Variants in NDRG1 observed in about 807,000 individuals in gnomAD.
NDRG1 encodes protein NDRG1.
NDRG1 carries 32 observed loss-of-function variants against 56.9 expected under a neutral mutation model. The ratio of observed to expected loss-of-function variants is 0.56; its 90% CI spans 0.42 to 0.76. The LOEUF (loss-of-function observed/expected upper bound fraction) is 0.76, where lower values mean the gene tolerates loss of function less well. Among genes scored for constraint, NDRG1 ranks in the 30% least tolerant of loss-of-function variants. The pLI, the probability that NDRG1 is intolerant of heterozygous loss-of-function variation, is 0.00. For missense variants in NDRG1, 507 were observed against 545.7 expected (o/e 0.93, Z 0.71); for synonymous variants, 211 against 204.1 (o/e 1.03, Z -0.29).
chr8:133,265,730 A>T (rs1246501214), intron 3 of NDRG1, among the ~76,000 whole-genome samples: 1 of 151,298 alleles, frequency 6.6e-6, no homozygotes, highest in Non-Finnish European at 1.5e-5. Flanking sequence ...CTTGGTTCCA[A>T]GCACCCCAGC....
chr8:133,265,605 C>G (rs999502537), intron 3 of NDRG1, among the ~76,000 whole-genome samples: 1 of 152,116 alleles, frequency 6.6e-6, no homozygotes, highest in Non-Finnish European at 1.5e-5. Flanking sequence ...CGGCCAGTGA[C>G]CCCCAGCCAG....
At chr8:133,275,556 A>T (rs1031052459) in intron 3 of NDRG1, among the ~76,000 whole-genome samples, 4 of 151,868 alleles carry the variant, frequency 2.6e-5, no homozygotes, top group African/African-American at 9.7e-5. Flanking sequence ...GTCACCACTT[A>T]AAAAAAAGCC....
In NDRG1 at chr8:133,258,108, C is replaced by T. The variant is rs1019298191; in HGVS notation, c.450+258G>A. Among the ~76,000 whole-genome samples the T allele has an allele frequency of 9.1e-4, 138 of 151,958 alleles. 1 individual carries two copies. Among genetic ancestry groups the T allele is most frequent in the Non-Finnish European group, 1.8e-4 (12 of 68,012 alleles). On this transcript the variant is annotated intron_variant, in intron 7 of 15. Coordinates refer to ENST00000323851, the MANE Select transcript of NDRG1 (RefSeq NM_006096.4). The stretch of plus-strand genomic sequence containing the variant: ...AGCAGAGTACTCAGTGAGTGAGGAG[C>T]GTCCTCACTAGATGGCTAAGCGGAC...
At chr8:133,254,678 G>A (rs1392065647) in intron 8 of NDRG1, 83 bp from the exon 9 acceptor site, 1 of 1,402,026 alleles carries the variant, frequency 7.1e-7, no homozygotes. Flanking sequence ...TTCCCTGGGT[G>A]CAGGGTGGCA....
intron 9 of NDRG1, among the ~76,000 whole-genome samples, chr8:133,250,928 AG>A (rs1187020927): frequency 2.7e-5 from 4 of 147,754 alleles, no homozygotes; most frequent in African/African-American, 7.4e-5. Flanking sequence ...AAAAAAAAAA[AG>A]GGAAGAGAGA....
intron 12 of NDRG1, 124 bp downstream of exon 12, chr8:133,247,751 T>G (rs1855766804): frequency 2.8e-6 from 3 of 1,060,916 alleles, no homozygotes; most frequent in Non-Finnish European, 4.4e-6. Context: ...ATATGGCATT[T>G]CAAAAAACAT....
Position 133,284,240 on chromosome 8 carries a change from T to C in NDRG1, c.63+9A>G. 1 of 1,613,944 alleles carries C rather than the reference T, an allele frequency of 6.2e-7. No homozygotes were observed. The highest frequency in any genetic ancestry group is 8.5e-7 in the Non-Finnish European group (1 of 1,179,860). On this transcript the variant is annotated intron_variant, in intron 2 of 15. Transcript: ENST00000323851. ...CTGTGATGGGGTAGCCAGGAAGATC[T>C]CCACTCACCTCCCCTTTCTCCACCA...
intron 1 of NDRG1, among the ~76,000 whole-genome samples, chr8:133,287,501 G>A (rs1252089033): frequency 2.0e-5 from 3 of 152,246 alleles, no homozygotes; most frequent in African/African-American, 7.2e-5. Context: ...CCCCCACGGA[G>A]CTCACAGTCC....
intron 2 of NDRG1, among the ~76,000 whole-genome samples, chr8:133,282,150 T>C (rs1857844196): frequency 6.6e-6 from 1 of 152,228 alleles, no homozygotes; most frequent in Non-Finnish European, 1.5e-5. Context: ...ATACATAAAA[T>C]GTTCTAAGGA....
chr8:133,269,768 C>A (rs1179482747), intron 3 of NDRG1, among the ~76,000 whole-genome samples: 1 of 152,380 alleles, frequency 6.6e-6, no homozygotes, highest in Middle Eastern at 3.4e-3. Flanking sequence ...AGATTTCCCA[C>A]ACTTATTTGA....
chr8:133,279,776 AC>A, intron 3 of NDRG1, among the ~76,000 whole-genome samples: 1 of 152,140 alleles, frequency 6.6e-6, no homozygotes. Flanking sequence ...GCTGAGGTGC[AC>A]CCCCTGGCCC....
chr8:133,260,367 C>G (rs1856602659), intron 5 of NDRG1, among the ~76,000 whole-genome samples: 1 of 152,208 alleles, frequency 6.6e-6, no homozygotes, highest in Non-Finnish European at 1.5e-5. Flanking sequence ...GCCCCACACT[C>G]TCCTCTGCCC....
At chr8:133,245,934 G>A (rs1282409515) in intron 13 of NDRG1, among the ~76,000 whole-genome samples, 1 of 152,168 alleles carries the variant, frequency 6.6e-6, no homozygotes, top group Admixed American at 6.5e-5. Context: ...ACTTCTATGG[G>A]GGAAGTTGAG....
intron 13 of NDRG1, 188 bp from the exon 14 acceptor site, chr8:133,244,578 C>A: frequency 1.5e-6 from 1 of 679,218 alleles, no homozygotes; most frequent in Non-Finnish European, 2.6e-6. Context: ...CTGCTGGTGT[C>A]TCCGTGGCAA....
Position 133,258,390 on chromosome 8 carries a change from G to T in NDRG1, c.426C>A (p.Gly142=), listed in dbSNP as rs370604799. The T allele has an allele frequency of 6.2e-7, 1 of 1,612,040 alleles. No individual in the cohort carries two copies. The highest frequency in any genetic ancestry group is 1.3e-5 in the African/African-American group (1 of 74,886). The part of the protein sequence containing the change: ...KSIIGMGTGA[G]AYILTRFALN... ...CAGCAAATCGAGTTAGGATGTAGGC[G>T]CCTGCTCCTGTTCCCATGCCAATAA... The change falls in exon 7 of 16, where the codon GGC becomes GGA. Residue 142 remains glycine, a synonymous_variant. Transcript: ENST00000323851.
intron 3 of NDRG1, among the ~76,000 whole-genome samples, chr8:133,277,823 C>T (rs1449332888): frequency 1.3e-5 from 2 of 152,142 alleles, no homozygotes; most frequent in African/African-American, 4.8e-5. Context: ...TGTCAGTGTC[C>T]TCTCTCCACC....
chr8:133,266,595 C>T (rs543987304), intron 3 of NDRG1, among the ~76,000 whole-genome samples: 5 of 152,204 alleles, frequency 3.3e-5, no homozygotes, highest in South Asian at 2.1e-4. Flanking sequence ...GTGAGTGACC[C>T]CCCGTGAAGT....
intron 1 of NDRG1, among the ~76,000 whole-genome samples, chr8:133,286,960 A>G (rs2977509): frequency 0.37 from 56,820 of 151,842 alleles, 11,248 homozygotes; most frequent in East Asian, 0.55. Context: ...TGCTCTCTGC[A>G]GGTTGACCCA....
chr8:133,250,163 T>C (rs147968319), intron 10 of NDRG1, among the ~76,000 whole-genome samples: 1 of 152,330 alleles, frequency 6.6e-6, no homozygotes, highest in East Asian at 1.9e-4. Context: ...ATATTTACTC[T>C]CAACCCTCTG....
Sources: allele counts gnomAD v4.1 joint callset (sites outside exome capture counted in the v4.1 genomes callset), GRCh38; gene constraint gnomAD v4.1.1; transcripts MANE v1.5; gene names NCBI Gene and HGNC (gene_info 2026-07-23, HGNC 2026-07-21).